Variants in TRO observed in about 807,000 individuals in gnomAD.
TRO encodes trophinin, also known as MAGE superfamily protein.
Under a neutral mutation model 42.3 loss-of-function variants are expected in TRO, and 29 were observed. The ratio of observed to expected loss-of-function variants is 0.68; its 90% CI spans 0.51 to 0.93. TRO has a LOEUF of 0.93. Ranked by LOEUF, TRO falls within the 40% of genes least tolerant of loss-of-function variation. TRO has a pLI of 0.00. For missense variants in TRO, 963 were observed against 1,127.7 expected, an observed-to-expected ratio of 0.85 and a Z score of 2.09; for synonymous variants, 384 against 425.2, an observed-to-expected ratio of 0.90 and a Z score of 1.19.
chrX:54,926,501 G>A lies in TRO; in HGVS notation c.1657+12G>A. On this transcript the variant is annotated intron_variant, in intron 8 of 12. Transcript: ENST00000173898. ...CAAGGCCAGTGAGGGTGAGTGGCTG[G>A]GCATGCAGCTGAATGGGCGGCCATG... The A allele has an allele frequency of 8.3e-7, 1 of 1,211,879 alleles. No homozygotes were observed. The highest frequency in any genetic ancestry group is 1.1e-6 in the Non-Finnish European group (1 of 895,436).
In TRO at chrX:54,930,028, G is replaced by A. The variant is rs1395569553; in HGVS notation, c.3304G>A (p.Ala1102Thr). The change falls in exon 12 of 13, where the codon GCA becomes ACA. Residue 1102 changes from alanine (A) to threonine (T), a missense_variant. By Grantham distance (58) the Ala-to-Thr change is moderately conservative. Around this residue, in one of 2 missense-constraint regions of TRO, gnomAD observed 641 missense variants for 811.3 expected, o/e 0.79. Coordinates refer to ENST00000173898, the MANE Select transcript of TRO (RefSeq NM_001039705.3). ...APITNPGFGG[A>T]FSTSAGFGGA... The stretch of plus-strand genomic sequence containing the variant: ...AATCACCAACCCTGGCTTTGGCGGT[G>A]CATTTAGCACCAGTGCTGGCTTCGG... 3 of 1,211,739 alleles carry A rather than the reference G, an allele frequency of 2.5e-6. No individual in the cohort carries two copies. The highest frequency in any genetic ancestry group is 3.4e-6 in the Non-Finnish European group (3 of 895,514).
At position 54,929,121 on chromosome X, in the gene TRO, C is replaced by G; in HGVS notation, c.2397C>G (p.His799Gln). 1 of 1,212,357 alleles carries G rather than the reference C, an allele frequency of 8.2e-7. No individual in the cohort carries two copies. The highest frequency in any genetic ancestry group is 3.0e-5 in the East Asian group (1 of 33,856). Residue 799 changes from histidine to glutamine, a missense_variant, in exon 12 of 13, where the codon CAC becomes CAG. His to Gln is a conservative substitution (Grantham distance 24, BLOSUM62 0). Coordinates refer to ENST00000173898, the MANE Select transcript of TRO (RefSeq NM_001039705.3). The stretch of plus-strand genomic sequence containing the variant: ...CCAGCATTAGCTTTGGTTGTGCACA[C>G]AGCACCAGCACTAGTTTCAGCAGTG... ...SAASISFGCA[H>Q]STSTSFSSEA...
Position 54,929,342 on chromosome X carries a change from C to G in TRO, c.2618C>G (p.Pro873Arg). Residue 873 changes from proline (P) to arginine (R), a missense_variant, in exon 12 of 13, where the codon CCC becomes CGC. Physicochemically the swap from Pro to Arg is moderately radical, Grantham distance 103 (BLOSUM62 -2). Around this residue, in one of 2 missense-constraint regions of TRO, gnomAD observed 641 missense variants for 811.3 expected, o/e 0.79. Transcript: ENST00000173898. ...LSTSTSFGSA[P>R]TTSTVFSSAL... ...ACTAGCACCAGCTTTGGCAGTGCAC[C>G]CACAACGAGCACAGTCTTCAGTAGT... 1 of 1,210,059 alleles carries G rather than the reference C, an allele frequency of 8.3e-7. No individual in the cohort carries two copies. Among genetic ancestry groups the G allele is most frequent in the Non-Finnish European group, 1.1e-6 (1 of 894,878 alleles).
chrX:54,930,115 G>A lies in TRO; in HGVS notation c.3391G>A (p.Ala1131Thr), dbSNP rs1177551368. The A allele has an allele frequency of 8.3e-7, 1 of 1,211,200 alleles. No individual in the cohort carries two copies. The highest frequency in any genetic ancestry group is 3.0e-5 in the East Asian group (1 of 33,797). Residue 1131 changes from alanine to threonine, a missense_variant, in exon 12 of 13, where the codon GCT (alanine) becomes ACT (threonine). Transcript: ENST00000173898. ...GTPSNSIGFG[A>T]APSTSVSFGG... The stretch of plus-strand genomic sequence containing the variant: ...TCCCAGCAACAGCATTGGCTTTGGT[G>A]CTGCTCCCAGCACCAGTGTCAGCTT...
intron 1 of TRO, 166 bp from the exon 2 acceptor site, chrX:54,922,037 C>T (rs1345921521): frequency 7.7e-6 from 3 of 391,091 alleles, no homozygotes; most frequent in Non-Finnish European, 1.3e-5. Context: ...CTGACTCTCT[C>T]GGAGGCAAAA....
chrX:54,920,881 G>A lies in TRO; in HGVS notation c.-45+3G>A, dbSNP rs1249030635. On this transcript the variant is annotated splice_donor_region_variant and intron_variant, in intron 1 of 12. Transcript: ENST00000173898. Reference sequence around the variant, plus strand: ...CCTTCTGGATTCAAGAAGACGAGGTGAGCTGAGGTACCTGGCTTTAGTGAA... The same window carrying A: ...CCTTCTGGATTCAAGAAGACGAGGTAAGCTGAGGTACCTGGCTTTAGTGAA... 9.0e-6 allele frequency: 1 copy of A among 110,664 alleles called. No homozygotes were observed. Among genetic ancestry groups the A allele is most frequent in the Admixed American group, 9.6e-5 (1 of 10,417 alleles). 9.1% of individuals were successfully genotyped at this position (110,664 alleles called of 1,213,427 possible).
Position 54,923,289 on chromosome X carries a change from C to A in TRO, c.757C>A (p.Arg253=). The part of the protein sequence containing the change: ...ASIHTTAASI[R]TKKASKARKT... ...TATCCACACCACAGCAGCCTCCATC[C>A]GAACCAAGAAAGCCTCCAAAGCCAG... The change falls in exon 3 of 13, where the codon CGA becomes AGA. Residue 253 remains arginine, a synonymous_variant. Transcript: ENST00000173898. The A allele has an allele frequency of 1.7e-6, 2 of 1,211,433 alleles. No homozygotes were observed. Among genetic ancestry groups the A allele is most frequent in the Non-Finnish European group, 2.2e-6 (2 of 895,375 alleles).
Position 54,928,919 on chromosome X carries a change from G to C in TRO, c.2195G>C (p.Gly732Ala), listed in dbSNP as rs367881815. ...AGCAGAGGAGCTAGTACCAGGGCTGGCTTCAGCGATGGTGCTAGTATTAGC... is the reference window on the plus strand; with the variant it reads ...AGCAGAGGAGCTAGTACCAGGGCTGCCTTCAGCGATGGTGCTAGTATTAGC... ...NFSRGASTRA[G>A]FSDGASISFN... The change falls in exon 12 of 13, where the codon GGC becomes GCC. Residue 732 changes from glycine to alanine, a missense_variant. Physicochemically the swap from Gly to Ala is moderately conservative, Grantham distance 60. Around this residue, in one of 2 missense-constraint regions of TRO, gnomAD observed 641 missense variants for 811.3 expected, o/e 0.79. Transcript: ENST00000173898. 2.5e-6 allele frequency: 3 copies of C among 1,210,085 alleles called. No individual in the cohort carries two copies. The African/African-American group carries it at 5.2e-5, about 21-fold the overall frequency.
intron 7 of TRO, 103 bp from the exon 8 acceptor site, chrX:54,926,307 G>T: frequency 1.3e-6 from 1 of 797,846 alleles, no homozygotes; most frequent in Non-Finnish European, 1.8e-6. Flanking sequence ...AGGTTAGCCT[G>T]GTGAGCTGGC....
At position 54,923,045 on chromosome X, in the gene TRO, G is replaced by C. The variant is rs375207548; in HGVS notation, c.513G>C (p.Gln171His). ...GGTIQLKSPL[Q>H]VLKLPVISQN... is the part of the protein sequence containing the mutation. The stretch of plus-strand genomic sequence containing the variant: ...CTATACAGCTGAAGTCACCCTTGCA[G>C]GTCCTAAAGCTACCAGTCATCTCAC... Residue 171 changes from glutamine to histidine, a missense_variant, in exon 3 of 13, where the codon CAG becomes CAC. This residue lies in a region of TRO where 322 missense variants were observed against 316.5 expected (regional missense o/e 1.02). Transcript: ENST00000173898. 19 of 1,210,400 alleles carry C rather than the reference G, an allele frequency of 1.6e-5. No individual in the cohort carries two copies. The highest frequency in any genetic ancestry group is 2.0e-5 in the Non-Finnish European group (18 of 895,407).
rs762414344 is a variant in TRO, at chrX:54,930,957, C to T, written c.4233C>T (p.Ser1411=). The T allele has an allele frequency of 8.3e-7, 1 of 1,205,577 alleles. No homozygotes were observed. Among genetic ancestry groups the T allele is most frequent in the African/African-American group, 1.7e-5 (1 of 57,241 alleles). The part of the protein sequence containing the change: ...NTGAGFGGGP[S]TSAGFGSGAA... ...GTGCTGGCTTTGGTGGTGGACCGAG[C>T]ACCAGTGCTGGCTTTGGCAGTGGAG... The change falls in exon 12 of 13, where the codon AGC becomes AGT. Residue 1411 remains serine, a synonymous_variant. Transcript: ENST00000173898.
At chrX:54,921,186 AG>A (rs1391977583) in intron 1 of TRO, 1 of 110,642 alleles carries the variant, frequency 9.0e-6, no homozygotes, top group African/African-American at 3.3e-5. Flanking sequence ...CGGTAGCAAG[AG>A]GGGAGGAGGA....
intron 12 of TRO, 80 bp from the exon 13 acceptor site, chrX:54,931,124 G>T (rs1933148638): frequency 8.4e-7 from 1 of 1,190,337 alleles, no homozygotes. Flanking sequence ...CAGCAGGGTG[G>T]AAAGGTGAGG....
rs774928528 is a variant in TRO at position 54,925,602 on chromosome X, T to C, written c.1496T>C (p.Val499Ala). The C allele has an allele frequency of 8.3e-7, 1 of 1,209,406 alleles. No individual in the cohort carries two copies. The highest frequency in any genetic ancestry group is 2.2e-5 in the Admixed American group (1 of 45,902). Residue 499 changes from valine to alanine, a missense_variant, in exon 7 of 13, where the codon GTC becomes GCC. Physicochemically the swap from Val to Ala is moderately conservative, Grantham distance 64 (BLOSUM62 0). Coordinates refer to ENST00000173898, the MANE Select transcript of TRO (RefSeq NM_001039705.3). ...TCTTTTACTTGGCAGATGTTTCGAGTCAATCTGAAAGAAATTGATAAGCAA... is the reference window on the plus strand; with the variant it reads ...TCTTTTACTTGGCAGATGTTTCGAGCCAATCTGAAAGAAATTGATAAGCAA... Reference protein sequence around the residue: ...ASYTLEKMFRVNLKEIDKQSS... With the variant: ...ASYTLEKMFRANLKEIDKQSS...
chrX:54,927,437 TC>T, intron 10 of TRO: 1 of 455,153 alleles, frequency 2.2e-6, no homozygotes. Context: ...TATACATGTC[TC>T]CCCTGGAGAA....
intron 1 of TRO, chrX:54,921,428 G>A (rs1419002609): frequency 9.1e-6 from 1 of 110,285 alleles, no homozygotes; most frequent in African/African-American, 3.3e-5. Flanking sequence ...TAGGGTTTGA[G>A]AACAGGAATA....
At chrX:54,923,981 A>G (rs758387970) in intron 3 of TRO, 115 of 430,170 alleles carry the variant, frequency 2.7e-4, no homozygotes, top group African/African-American at 2.7e-3. Context: ...CTCAGCTACA[A>G]CCTGTATGTA....
chrX:54,922,151 G>A lies in TRO; in HGVS notation c.-44-52G>A. 10 of 981,984 alleles carry A rather than the reference G, an allele frequency of 1.0e-5. No individual in the cohort carries two copies. In the South Asian group the frequency reaches 1.8e-4, roughly 18 times the overall value. The allele number at this position is 981,984 out of a possible 1,213,427, so 80.9% of individuals were successfully genotyped here. On this transcript the variant is annotated intron_variant, in intron 1 of 12. Transcript: ENST00000173898. ...GTTACATGAGACTCCCCTAAGTCAGGATAGGTGAGATGTCTGATGAATCTC... is the reference window on the plus strand; with the variant it reads ...GTTACATGAGACTCCCCTAAGTCAGAATAGGTGAGATGTCTGATGAATCTC...
Position 54,925,625 on chromosome X carries a change from CAAAGT to C in TRO, c.1521_1525del (p.Ser508LeufsTer43). On this transcript the variant is annotated frameshift_variant, in exon 7 of 13. Coordinates refer to ENST00000173898, the MANE Select transcript of TRO (RefSeq NM_001039705.3). LOFTEE classifies it high-confidence loss of function. ...AGTCAATCTGAAAGAAATTGATAAG[CAAAGT>C]AGCTTGTATATTCTCATCAGCACTC... 8.3e-7 allele frequency: 1 copy of C among 1,209,181 alleles called. No individual in the cohort carries two copies. Among genetic ancestry groups the C allele is most frequent in the Non-Finnish European group, 1.1e-6 (1 of 894,711 alleles).
Sources: allele counts gnomAD v4.1 joint callset, GRCh38; gene constraint gnomAD v4.1.1; regional missense constraint gnomAD v4.1.1; transcripts MANE v1.5; gene names NCBI Gene and HGNC (gene_info 2026-07-23, HGNC 2026-07-21).